Variants in ERBB4 observed in about 807,000 individuals in gnomAD.
The protein encoded by ERBB4 is receptor tyrosine-protein kinase erbB-4.
ERBB4 carries 42 observed loss-of-function variants against 158.0 expected under a neutral mutation model. That is an observed-to-expected ratio of 0.27 (90% confidence interval 0.21 to 0.34). The LOEUF is 0.34. Among genes scored for constraint, ERBB4 ranks in the 10% least tolerant of loss-of-function variants. ERBB4 has a pLI of 1.00. For missense variants in ERBB4, 1,333 were observed against 1,624.1 expected (o/e 0.82, Z 3.08); for synonymous variants, 583 against 558.7 (o/e 1.04, Z -0.61).
intron 2 of ERBB4, among the ~76,000 whole-genome samples, chr2:211,955,623 A>G (rs879700528): frequency 2.0e-5 from 3 of 152,178 alleles, no homozygotes; most frequent in Non-Finnish European, 4.4e-5. Flanking sequence ...ACTTAAGAGT[A>G]TATTCTCATA....
intron 20 of ERBB4, among the ~76,000 whole-genome samples, chr2:211,550,702 A>G (rs1464874641): frequency 8.2e-6 from 1 of 121,618 alleles, no homozygotes. Flanking sequence ...AAGTATATAT[A>G]TAGGAATATA....
intron 1 of ERBB4, among the ~76,000 whole-genome samples, chr2:212,424,317 C>A (rs576079773): frequency 1.1e-4 from 17 of 152,124 alleles, no homozygotes; most frequent in African/African-American, 3.4e-4. Flanking sequence ...CTGGACCTTA[C>A]AATGGTAGGA....
chr2:212,051,160 G>A (rs1003859818), intron 2 of ERBB4, among the ~76,000 whole-genome samples: 2 of 152,164 alleles, frequency 1.3e-5, no homozygotes, highest in South Asian at 2.1e-4. Context: ...GCTCTTCTAA[G>A]CTTTGAAAGG....
At chr2:211,397,222 T>C (rs1477132903) in intron 25 of ERBB4, among the ~76,000 whole-genome samples, 2 of 152,074 alleles carry the variant, frequency 1.3e-5, no homozygotes, top group African/African-American at 4.8e-5. Flanking sequence ...TTTTGCTGCA[T>C]ATAAAAAGGA....
chr2:211,858,277 T>C (rs1328785789), intron 3 of ERBB4, among the ~76,000 whole-genome samples: 3 of 152,130 alleles, frequency 2.0e-5, no homozygotes, highest in Non-Finnish European at 4.4e-5. Flanking sequence ...GAAAAAGCAA[T>C]GAGCTGATTG....
intron 2 of ERBB4, among the ~76,000 whole-genome samples, chr2:212,001,559 CT>C (rs1175652664): frequency 6.6e-6 from 1 of 152,182 alleles, no homozygotes; most frequent in Non-Finnish European, 1.5e-5. Flanking sequence ...AGCTACTAAA[CT>C]GCCATTAGTG....
chr2:212,013,072 T>A (rs2076429063), intron 2 of ERBB4, among the ~76,000 whole-genome samples: 1 of 151,666 alleles, frequency 6.6e-6, no homozygotes, highest in African/African-American at 2.4e-5. Context: ...TTTTTTTTTT[T>A]TTGAGACAGA....
At chr2:211,545,325 A>G (rs2066914866) in intron 20 of ERBB4, among the ~76,000 whole-genome samples, 1 of 152,088 alleles carries the variant, frequency 6.6e-6, no homozygotes, top group Non-Finnish European at 1.5e-5. Flanking sequence ...TATGAATAGT[A>G]ATGACATCAT....
At chr2:211,823,782 G>A (rs778973348) in intron 3 of ERBB4, among the ~76,000 whole-genome samples, 2 of 151,936 alleles carry the variant, frequency 1.3e-5, no homozygotes, top group Non-Finnish European at 2.9e-5. Flanking sequence ...GATAAGGTCA[G>A]GTTTTCTAAA....
intron 2 of ERBB4, among the ~76,000 whole-genome samples, chr2:211,952,999 T>C (rs1457359274): frequency 6.6e-6 from 1 of 152,096 alleles, no homozygotes; most frequent in East Asian, 1.9e-4. Flanking sequence ...ATTTCAGAAA[T>C]GGTTCCTTAT....
At chr2:211,957,973 G>A (rs2081077044) in intron 2 of ERBB4, among the ~76,000 whole-genome samples, 1 of 152,024 alleles carries the variant, frequency 6.6e-6, no homozygotes, top group African/African-American at 2.4e-5. Flanking sequence ...AAGCATATGG[G>A]AAATACCCTT....
intron 24 of ERBB4, among the ~76,000 whole-genome samples, chr2:211,421,533 C>T (rs1191252933): frequency 6.6e-6 from 1 of 151,786 alleles, no homozygotes; most frequent in Non-Finnish European, 1.5e-5. Flanking sequence ...TGCTTAGATA[C>T]TGCATATCTC....
intron 1 of ERBB4, among the ~76,000 whole-genome samples, chr2:212,469,012 T>C (rs1367516891): frequency 6.6e-6 from 1 of 152,174 alleles, no homozygotes; most frequent in Non-Finnish European, 1.5e-5. Flanking sequence ...TCAAATCTTA[T>C]TTTTCTAAAA....
intron 1 of ERBB4, among the ~76,000 whole-genome samples, chr2:212,461,216 A>T (rs1409944625): frequency 6.6e-6 from 1 of 152,144 alleles, no homozygotes; most frequent in Non-Finnish European, 1.5e-5. Flanking sequence ...AGAATGGTAG[A>T]CCCAGTGACG....
intron 1 of ERBB4, among the ~76,000 whole-genome samples, chr2:212,225,642 T>C (rs930795767): frequency 4.9e-5 from 6 of 122,376 alleles, no homozygotes; most frequent in African/African-American, 1.7e-4. Context: ...GTAATATTTA[T>C]ATATTATATC....
intron 1 of ERBB4, among the ~76,000 whole-genome samples, chr2:212,507,688 A>G (rs528907164): frequency 2.0e-5 from 3 of 152,226 alleles, no homozygotes; most frequent in Non-Finnish European, 4.4e-5. Context: ...AATTGCTGCA[A>G]TCTCATGATC....
chr2:212,401,003 T>G (rs1049473650), intron 1 of ERBB4, among the ~76,000 whole-genome samples: 8 of 152,196 alleles, frequency 5.3e-5, no homozygotes, highest in African/African-American at 1.9e-4. Flanking sequence ...TGCTAGAGAA[T>G]GCTATGTTTT....
At chr2:211,774,987 C>T (rs1033606113) in intron 4 of ERBB4, among the ~76,000 whole-genome samples, 7 of 152,206 alleles carry the variant, frequency 4.6e-5, no homozygotes, top group Admixed American at 2.6e-4. Flanking sequence ...AACTTAAATG[C>T]TTTCTTAATT....
At chr2:211,972,522 C>T (rs2081483588) in intron 2 of ERBB4, among the ~76,000 whole-genome samples, 1 of 152,112 alleles carries the variant, frequency 6.6e-6, no homozygotes, top group Non-Finnish European at 1.5e-5. Flanking sequence ...GCTACAGTAA[C>T]CAACACAGCA....
Sources: gnomAD v4.1 joint callset for allele counts (sites outside exome capture counted in the v4.1 genomes callset) on GRCh38, gnomAD v4.1.1 for gene constraint, MANE v1.5 for transcripts, NCBI Gene and HGNC (gene_info 2026-07-23, HGNC 2026-07-21) for gene names.